FAF1: variants seen among roughly 807,000 people sequenced by gnomAD.
The protein encoded by FAF1 is Fas associated factor 1.
A neutral mutation model predicts 92.5 loss-of-function variants in FAF1; 25 were observed. That is an observed-to-expected ratio of 0.27 (90% CI 0.20 to 0.38). The LOEUF is 0.38. Among genes scored for constraint, FAF1 ranks in the 10% least tolerant of loss-of-function variants. The pLI, the probability that FAF1 is intolerant of heterozygous loss-of-function variation, is 1.00. For missense variants in FAF1, 636 were observed against 793.3 expected (o/e 0.80, Z 2.38); for synonymous variants, 234 against 273.2 (o/e 0.86, Z 1.42).
intron 7 of FAF1, among the ~76,000 whole-genome samples, chr1:50,685,445 T>C (rs1283801435): frequency 6.6e-5 from 10 of 152,182 alleles, no homozygotes; most frequent in Non-Finnish European, 1.5e-4. Flanking sequence ...GTATAGTTAA[T>C]GGATGAAAGA....
At chr1:50,558,645 T>C (rs985147671) in intron 13 of FAF1, among the ~76,000 whole-genome samples, 1 of 152,242 alleles carries the variant, frequency 6.6e-6, no homozygotes, top group Non-Finnish European at 1.5e-5. Flanking sequence ...AAACTTAAAA[T>C]GTTATTCTTT....
At chr1:50,758,166 C>T (rs971417071) in intron 4 of FAF1, among the ~76,000 whole-genome samples, 1 of 152,240 alleles carries the variant, frequency 6.6e-6, no homozygotes, top group Admixed American at 6.5e-5. Context: ...GATCTACCCA[C>T]CTTGGCCTCC....
chr1:50,612,202 C>A (rs2124140643), intron 8 of FAF1: 1 of 187,722 alleles, frequency 5.3e-6, no homozygotes, highest in African/African-American at 2.4e-5. Context: ...CATATAAAGT[C>A]AACACATGAT....
intron 4 of FAF1, among the ~76,000 whole-genome samples, chr1:50,756,242 T>G (rs1342417137): frequency 1.3e-5 from 2 of 152,222 alleles, no homozygotes; most frequent in Admixed American, 1.3e-4. Flanking sequence ...AGAAATTTCT[T>G]CTGCCAAATA....
At chr1:50,598,245 G>A (rs1047849394) in intron 8 of FAF1, among the ~76,000 whole-genome samples, 7 of 152,004 alleles carry the variant, frequency 4.6e-5, no homozygotes, top group African/African-American at 1.7e-4. Flanking sequence ...GCAGTGAGCT[G>A]TGATCATGCC....
intron 8 of FAF1, among the ~76,000 whole-genome samples, chr1:50,604,218 A>C (rs970397557): frequency 6.6e-6 from 1 of 152,140 alleles, no homozygotes; most frequent in African/African-American, 2.4e-5. Context: ...TGCTACTGCC[A>C]TATCTTCCAC....
chr1:50,447,270 T>C (rs1246557591), intron 18 of FAF1, among the ~76,000 whole-genome samples: 3 of 151,676 alleles, frequency 2.0e-5, no homozygotes, highest in Non-Finnish European at 4.4e-5. Context: ...GGACTACAGG[T>C]GCCCGCCACC....
At chr1:50,488,752 A>G (rs1417578235) in intron 17 of FAF1, among the ~76,000 whole-genome samples, 1 of 152,168 alleles carries the variant, frequency 6.6e-6, no homozygotes, top group East Asian at 1.9e-4. Flanking sequence ...AATGAACTTC[A>G]GTTTTTTTCA....
At chr1:50,630,622 ACT>A (rs1653729002) in intron 8 of FAF1, among the ~76,000 whole-genome samples, 1 of 152,160 alleles carries the variant, frequency 6.6e-6, no homozygotes, top group African/African-American at 2.4e-5. Context: ...ATTCTAAAAC[ACT>A]GAGGGAATGA....
chr1:50,846,610 T>C (rs1644303659), intron 2 of FAF1: 1 of 531,464 alleles, frequency 1.9e-6, no homozygotes. Context: ...GAGCGCTTCC[T>C]TGTAAGATCT....
intron 4 of FAF1, among the ~76,000 whole-genome samples, chr1:50,755,911 GCACACAGCACAGGGACCC>G (rs1660057138): frequency 6.6e-6 from 1 of 152,162 alleles, no homozygotes; most frequent in African/African-American, 2.4e-5. Context: ...TCCCTAGGCT[GCACACAGCACAGGGACCC>G]TGGGTCCAGC....
chr1:50,904,515 T>A (rs1380458222), intron 1 of FAF1, among the ~76,000 whole-genome samples: 1 of 152,342 alleles, frequency 6.6e-6, no homozygotes, highest in East Asian at 1.9e-4. Context: ...ATGATAGATT[T>A]TATGTTATGT....
At chr1:50,766,465 G>A (rs1184872323) in intron 4 of FAF1, among the ~76,000 whole-genome samples, 1 of 152,096 alleles carries the variant, frequency 6.6e-6, no homozygotes, top group Non-Finnish European at 1.5e-5. Context: ...ACCACTCTGG[G>A]GAAGTGCTGA....
At chr1:50,739,303 C>T (rs968993295) in intron 5 of FAF1, among the ~76,000 whole-genome samples, 33 of 151,382 alleles carry the variant, frequency 2.2e-4, no homozygotes, top group East Asian at 5.8e-4. Context: ...CATGTGTACA[C>T]GTACATGCAT....
At chr1:50,897,982 C>A (rs1440790344) in intron 1 of FAF1, among the ~76,000 whole-genome samples, 2 of 152,172 alleles carry the variant, frequency 1.3e-5, no homozygotes, top group Non-Finnish European at 2.9e-5. Context: ...TTCCATCCAA[C>A]CAGATCTGCA....
At chr1:50,932,748 T>A (rs940856940) in intron 1 of FAF1, among the ~76,000 whole-genome samples, 1 of 152,180 alleles carries the variant, frequency 6.6e-6, no homozygotes, top group Non-Finnish European at 1.5e-5. Flanking sequence ...GACCCCACAT[T>A]TCCCTTCCCC....
chr1:50,543,990 T>G (rs1365717047), intron 13 of FAF1, among the ~76,000 whole-genome samples: 10 of 152,190 alleles, frequency 6.6e-5, no homozygotes, highest in Admixed American at 6.5e-4. Context: ...TTATAACAAC[T>G]TGCTCTCCTG....
chr1:50,738,913 A>C lies in FAF1; in HGVS notation c.501T>G (p.Leu167=), dbSNP rs1473579258. 6.2e-7 allele frequency: 1 copy of C among 1,610,086 alleles called. No homozygotes were observed. Among genetic ancestry groups the C allele is most frequent in the African/African-American group, 1.3e-5 (1 of 74,900 alleles). ...GTGGCAAATCTGGTGTAAGGACATA[A>C]AGACTGTTGTTTTTTGGCAAGTGTA... The part of the protein sequence containing the change: ...KSLHLPKNNS[L]YVLTPDLPPP... Residue 167 remains leucine (L), a synonymous_variant, in exon 6 of 19, where the codon CTT becomes CTG. Transcript: ENST00000396153.
At chr1:50,826,469 G>T (rs1476187553) in intron 2 of FAF1, among the ~76,000 whole-genome samples, 3 of 151,866 alleles carry the variant, frequency 2.0e-5, no homozygotes, top group Non-Finnish European at 4.4e-5. Context: ...AGAATCACTT[G>T]CACCTGGGAG....
Sources: allele counts gnomAD v4.1 joint callset (sites outside exome capture counted in the v4.1 genomes callset), GRCh38; gene constraint gnomAD v4.1.1; transcripts MANE v1.5; gene names NCBI Gene and HGNC (gene_info 2026-07-23, HGNC 2026-07-21).